DHRS12: variants seen among roughly 807,000 people sequenced by gnomAD.
DHRS12 encodes the protein dehydrogenase/reductase SDR family member 12.
Under a neutral mutation model 32.1 loss-of-function variants are expected in DHRS12, and 29 were observed. That is an observed-to-expected ratio of 0.90 (90% confidence interval 0.67 to 1.23). DHRS12 has a LOEUF of 1.23. Among genes scored for constraint, DHRS12 ranks in the 50% most tolerant of loss-of-function variants. DHRS12 has a pLI of 0.00. For missense variants in DHRS12, 330 were observed against 337.2 expected (o/e 0.98, Z 0.17); for synonymous variants, 150 against 135.9 (o/e 1.10, Z -0.72).
chr13:51,789,452 T>C (rs1041317693), intron 4 of DHRS12: 2 of 769,822 alleles, frequency 2.6e-6, no homozygotes, highest in Non-Finnish European at 3.2e-6. Flanking sequence ...TCAGATTCTG[T>C]AGATCTGGGT....
At chr13:51,764,576 T>C (rs1224527821), downstream of DHRS12, 1 of 152,500 alleles carries the variant, frequency 6.6e-6, no homozygotes, top group Non-Finnish European at 1.5e-5. Context: ...CACTATCAGA[T>C]GCTGCTGCTC....
At chr13:51,776,144 A>G (rs1954374266) in intron 5 of DHRS12, 1 of 125,604 alleles carries the variant, frequency 8.0e-6, no homozygotes, top group Admixed American at 8.2e-5. Flanking sequence ...TCCTACATGT[A>G]TTCTCCTACA....
intron 4 of DHRS12, chr13:51,789,427 C>T: frequency 1.8e-6 from 1 of 561,892 alleles, no homozygotes; most frequent in Non-Finnish European, 2.3e-6. Context: ...TAACTCTTGG[C>T]CTCATTCCAG....
intron 4 of DHRS12, 24 bp from the exon 5 acceptor site, chr13:51,777,145 T>G (rs1235600802): frequency 6.2e-7 from 1 of 1,613,672 alleles, no homozygotes; most frequent in South Asian, 1.1e-5. Flanking sequence ...CAGCATCCCA[T>G]GAGGGGGCTG....
chr13:51,781,764 C>T (rs1954721355), intron 4 of DHRS12, among the ~76,000 whole-genome samples: 1 of 152,188 alleles, frequency 6.6e-6, no homozygotes, highest in Admixed American at 6.5e-5. Context: ...CAATGTGAGG[C>T]TGCAGCCTCC....
rs185986369 is a variant in DHRS12, at chr13:51,779,249, C to A, written c.302-2128G>T. Among the ~76,000 whole-genome samples, 9 of 152,332 alleles carry A rather than the reference C, an allele frequency of 5.9e-5. No homozygotes were observed. In the East Asian group the frequency reaches 1.7e-3, roughly 29 times the overall value. On this transcript the variant is annotated intron_variant, in intron 4 of 8. Coordinates refer to ENST00000444610, the MANE Select transcript of DHRS12 (RefSeq NM_001377533.1). ...CTCCTGCCCCCAAAGTCCTTCAACA[C>A]TCTGGCCCCCATTGAATTAAGCAAA...
At chr13:51,794,476 T>C (rs768822986) in intron 2 of DHRS12, among the ~76,000 whole-genome samples, 8 of 152,216 alleles carry the variant, frequency 5.3e-5, no homozygotes, top group Non-Finnish European at 1.2e-4. Context: ...CTCAAGAAGC[T>C]AGAAATCCAC....
At chr13:51,758,239 A>G in the DHRS12 span, 4 of 1,600,462 alleles carry the variant, frequency 2.5e-6, no homozygotes, top group Non-Finnish European at 1.7e-6. Context: ...AACATTGTGC[A>G]TGTGCATTTC....
the DHRS12 span, chr13:51,761,337 AAAAATCTTATTTTC>A: frequency 6.6e-6 from 1 of 152,216 alleles, no homozygotes; most frequent in African/African-American, 2.4e-5. Flanking sequence ...AGTCCCTTTT[AAAAATCTTATTTTC>A]ACCTGTAAAA....
At chr13:51,760,200 C>T in the DHRS12 span, 1 of 156,138 alleles carries the variant, frequency 6.4e-6, no homozygotes. Context: ...GCGGCTTTTT[C>T]TTCTCTTCCC....
chr13:51,797,934 G>A, intron 2 of DHRS12: 2 of 1,534,002 alleles, frequency 1.3e-6, no homozygotes, highest in East Asian at 4.9e-5. Flanking sequence ...GAAACCATCT[G>A]TGAGTTACAG....
At chr13:51,799,762 C>T in intron 1 of DHRS12, 95 bp from the exon 2 acceptor site, 6 of 1,426,828 alleles carry the variant, frequency 4.2e-6, no homozygotes, top group Non-Finnish European at 5.7e-6. Context: ...GGCATTATTG[C>T]TGTCTCCGCC....
chr13:51,802,211 ACACACACG>A (rs1955793236), intron 1 of DHRS12, among the ~76,000 whole-genome samples: 1 of 98,988 alleles, frequency 1.0e-5, no homozygotes, highest in Admixed American at 1.0e-4. Flanking sequence ...ACACACACAC[ACACACACG>A]ACTTTCCCAA....
the DHRS12 span, among the ~76,000 whole-genome samples, chr13:51,759,247 G>A: frequency 6.6e-6 from 1 of 152,100 alleles, no homozygotes; most frequent in Non-Finnish European, 1.5e-5. Context: ...TTGAAAACGA[G>A]GTATCTTGTA....
At chr13:51,760,604 C>G in the DHRS12 span, 1 of 152,152 alleles carries the variant, frequency 6.6e-6, no homozygotes, top group African/African-American at 2.4e-5. Context: ...TTTGACGCAG[C>G]TCTCCCTCAC....
chr13:51,769,482 T>C (rs1280617290), intron 7 of DHRS12, among the ~76,000 whole-genome samples, 189 bp from the exon 8 acceptor site: 1 of 151,848 alleles, frequency 6.6e-6, no homozygotes, highest in Non-Finnish European at 1.5e-5. Context: ...GCCCCCAAGG[T>C]GTCACCTGAT....
intron 2 of DHRS12, among the ~76,000 whole-genome samples, chr13:51,798,397 C>G (rs1189470252): frequency 2.0e-5 from 3 of 152,246 alleles, no homozygotes; most frequent in Non-Finnish European, 4.4e-5. Flanking sequence ...TTGAGTCCAT[C>G]AGCAGCCCTC....
chr13:51,798,012 T>C (rs1374258874), intron 2 of DHRS12: 1 of 1,174,876 alleles, frequency 8.5e-7, no homozygotes, highest in Non-Finnish European at 1.2e-6. Context: ...TTGACACTCT[T>C]CTGTTAAGCC....
intron 2 of DHRS12, among the ~76,000 whole-genome samples, chr13:51,799,286 G>T (rs781141272): frequency 3.3e-5 from 5 of 152,162 alleles, no homozygotes; most frequent in Non-Finnish European, 7.3e-5. Context: ...TTCTTAATCA[G>T]AAAACACTGG....
Sources: gnomAD v4.1 joint callset for allele counts (sites outside exome capture counted in the v4.1 genomes callset) on GRCh38, gnomAD v4.1.1 for gene constraint, MANE v1.5 for transcripts, NCBI Gene and HGNC (gene_info 2026-07-23, HGNC 2026-07-21) for gene names.